CNTNAP1: variants seen among roughly 807,000 people sequenced by gnomAD.
The protein encoded by CNTNAP1 is contactin associated protein 1.
CNTNAP1 carries 80 observed loss-of-function variants against 161.5 expected under a neutral mutation model. The observed-to-expected ratio is 0.50, with a 90% CI of 0.41 to 0.60. The LOEUF is 0.60. Ranked by LOEUF, CNTNAP1 falls within the 20% of genes least tolerant of loss-of-function variation. CNTNAP1 has a pLI of 0.00. For synonymous variants in CNTNAP1, 695 were observed against 733.1 expected (o/e 0.95, Z 0.84); for missense variants, 1,464 against 1,854.8 (o/e 0.79, Z 3.87).
Position 42,691,967 on chromosome 17 carries a change from C to T in CNTNAP1, c.2506C>T (p.Pro836Ser). The T allele has an allele frequency of 6.2e-7, 1 of 1,614,062 alleles. No homozygotes were observed. Among genetic ancestry groups the T allele is most frequent in the South Asian group, 1.1e-5 (1 of 91,080 alleles). Residue 836 changes from proline (P) to serine (S), a missense_variant, in exon 16 of 24, where the codon CCT becomes TCT. By Grantham distance (74) the Pro-to-Ser change is moderately conservative. Transcript: ENST00000264638. The surrounding 1 kb of genome is among the most constrained non-coding windows in gnomAD (Gnocchi z 4.3). ...GGGCCCTTACTGCCAGTGGCGCCGA[C>T]CTTATGTGCGGGTGGAACTCAACAG... ...MGGPYCQWRR[P>S]YVRVELNTSR... is the part of the protein sequence containing the mutation.
Position 42,691,737 on chromosome 17 carries a change from AC to A in CNTNAP1, c.2345-65del. On this transcript the variant is annotated intron_variant, in intron 15 of 23. Transcript: ENST00000264638. This position sits in a 1 kb window ranked among gnomAD's most constrained non-coding sequence, Gnocchi z 4.3. ...CTTTGCCCAACCTTCCCTGCCCCCAACCCCAGGTTCTCTTCCTCCTCCACCC... is the reference window on the plus strand; with the variant it reads ...CTTTGCCCAACCTTCCCTGCCCCCAACCCAGGTTCTCTTCCTCCTCCACCC... 2 of 1,538,228 alleles carry A rather than the reference AC, an allele frequency of 1.3e-6. No homozygotes were observed. The highest frequency in any genetic ancestry group is 1.7e-5 in the Admixed American group (1 of 58,576).
chr17:42,692,350 G>A, intron 16 of CNTNAP1, 149 bp from the exon 17 acceptor site: 1 of 686,386 alleles, frequency 1.5e-6, no homozygotes, highest in South Asian at 1.9e-5. Flanking sequence ...TAAGCAGCTG[G>A]TAAGTTTCAA....
chr17:42,686,036 T>C lies in CNTNAP1; in HGVS notation c.795T>C (p.Tyr265=). ...TCCTCAATGACCAGCACTGGCACTA[T>C]GTGCGGGTGGACCGATTTGGCCGCG... ...GGVLNDQHWH[Y]VRVDRFGRDV... is the part of the protein sequence containing the mutation. Residue 265 remains tyrosine, a synonymous_variant, in exon 6 of 24, where the codon TAT becomes TAC. Coordinates refer to ENST00000264638, the MANE Select transcript of CNTNAP1 (RefSeq NM_003632.3). 1.2e-6 allele frequency: 2 copies of C among 1,614,082 alleles called. No individual in the cohort carries two copies. Among genetic ancestry groups the C allele is most frequent in the African/African-American group, 2.7e-5 (2 of 75,012 alleles).
chr17:42,695,566 TAC>T lies in CNTNAP1; in HGVS notation c.3040_3041del (p.Gln1014ValfsTer22), dbSNP rs1327222081. 3 of 1,613,708 alleles carry T rather than the reference TAC, an allele frequency of 1.9e-6. No individual in the cohort carries two copies. Among genetic ancestry groups the T allele is most frequent in the South Asian group, 1.1e-5 (1 of 91,078 alleles). The stretch of plus-strand genomic sequence containing the variant: ...CCGGGCACCTGGATGCGCTATAACC[TAC>T]AGTCAGCGCTGCGCTCTGCAGCCAG... On this transcript the variant is annotated frameshift_variant, in exon 19 of 24. Transcript: ENST00000264638. LOFTEE classifies it high-confidence loss of function.
chr17:42,697,560 G>A lies in CNTNAP1; in HGVS notation c.3575G>A (p.Gly1192Glu). 4 of 1,614,006 alleles carry A rather than the reference G, an allele frequency of 2.5e-6. No individual in the cohort carries two copies. Among genetic ancestry groups the A allele is most frequent in the Non-Finnish European group, 3.4e-6 (4 of 1,179,988 alleles). The change falls in exon 22 of 24, where the codon GGA becomes GAA. Residue 1192 changes from glycine to glutamate, a missense_variant. Transcript: ENST00000264638. ...ALYLGRVMET[G>E]VIDPEIQRYN... ...GGGCCTGCCTCTCTCTCAGAGACAG[G>A]AGTCATTGACCCGGAGATCCAGCGC...
At chr17:42,689,709 T>G in intron 11 of CNTNAP1, 82 bp downstream of exon 11, 3 of 1,114,610 alleles carry the variant, frequency 2.7e-6, no homozygotes, top group Non-Finnish European at 4.1e-6. Flanking sequence ...CTGCTAGAGA[T>G]GGCGAGGATG....
intron 18 of CNTNAP1, 47 bp from the exon 19 acceptor site, chr17:42,695,474 G>T: frequency 7.0e-7 from 1 of 1,422,748 alleles, no homozygotes; most frequent in South Asian, 1.3e-5. Context: ...CTCTGAATTG[G>T]GGAGTGAGCA....
chr17:42,692,406 A>G, intron 16 of CNTNAP1, 93 bp from the exon 17 acceptor site: 1 of 1,036,916 alleles, frequency 9.6e-7, no homozygotes, highest in East Asian at 2.4e-5. Context: ...AGCTCCAAAG[A>G]GGTGAGGGAA....
chr17:42,698,980 C>G lies in CNTNAP1; in HGVS notation c.*70C>G. Reference sequence around the variant, plus strand: ...CAGTCCTGCCTCTCCCCCATCCTATCAGGGACATTTGGCTCCTCTTAGCTG... The same window carrying G: ...CAGTCCTGCCTCTCCCCCATCCTATGAGGGACATTTGGCTCCTCTTAGCTG... On this transcript the variant is annotated 3_prime_UTR_variant, in exon 24 of 24. Coordinates refer to ENST00000264638, the MANE Select transcript of CNTNAP1 (RefSeq NM_003632.3). 1 of 1,404,250 alleles carries G rather than the reference C, an allele frequency of 7.1e-7. No homozygotes were observed. Among genetic ancestry groups the G allele is most frequent in the Non-Finnish European group, 9.5e-7 (1 of 1,056,956 alleles). The allele number at this position is 1,404,250 out of a possible 1,614,324, so 87.0% of individuals were successfully genotyped here.
chr17:42,695,577 C>T lies in CNTNAP1; in HGVS notation c.3049C>T (p.Leu1017=), dbSNP rs1380211897. The change falls in exon 19 of 24, where the codon CTG becomes TTG. Residue 1017 remains leucine (L), a synonymous_variant. Coordinates refer to ENST00000264638, the MANE Select transcript of CNTNAP1 (RefSeq NM_003632.3). ...TWMRYNLQSA[L]RSAAREFSHM... Reference sequence around the variant, plus strand: ...GATGCGCTATAACCTACAGTCAGCGCTGCGCTCTGCAGCCAGGGAGTTCTC... The same window carrying T: ...GATGCGCTATAACCTACAGTCAGCGTTGCGCTCTGCAGCCAGGGAGTTCTC... 7 of 1,614,104 alleles carry T rather than the reference C, an allele frequency of 4.3e-6. No individual in the cohort carries two copies. The highest frequency in any genetic ancestry group is 5.9e-6 in the Non-Finnish European group (7 of 1,180,020).
rs1007245171 is a variant in CNTNAP1 at position 42,687,209 on chromosome 17, T to G, written c.1044+163T>G. The G allele has an allele frequency of 5.6e-6, 5 of 895,336 alleles. No individual in the cohort carries two copies. Among genetic ancestry groups the G allele is most frequent in the Non-Finnish European group, 6.6e-6 (4 of 605,278 alleles). The allele number at this position is 895,336 out of a possible 1,614,324, so 55.5% of individuals were successfully genotyped here. The stretch of plus-strand genomic sequence containing the variant: ...GGGAGCGGGTCTCACCTGAGGTGCA[T>G]GAGCCACGCAGGCCCCTAGTTAAGA... On this transcript the variant is annotated intron_variant, in intron 7 of 23. Transcript: ENST00000264638. This position sits in a 1 kb window ranked among gnomAD's most constrained non-coding sequence, Gnocchi z 4.7.
Position 42,699,345 on chromosome 17 carries a change from C to T in CNTNAP1, c.*435C>T, listed in dbSNP as rs2053197769. On this transcript the variant is annotated 3_prime_UTR_variant, in exon 24 of 24. Coordinates refer to ENST00000264638, the MANE Select transcript of CNTNAP1 (RefSeq NM_003632.3). ...GTATGGGGGGAGGAGGCTGCTAAAC[C>T]CTATCCCCCAGCCTCCCCCCTGCCC... 1 of 156,482 alleles carries T rather than the reference C, an allele frequency of 6.4e-6. No individual in the cohort carries two copies. Among genetic ancestry groups the T allele is most frequent in the Non-Finnish European group, 1.4e-5 (1 of 70,838 alleles). The allele number at this position is 156,482 out of a possible 1,614,324, so 9.7% of individuals were successfully genotyped here. A position where few individuals can be genotyped will look rare whatever the true frequency, so the allele number is the denominator to read the frequency against.
chr17:42,686,049 C>T lies in CNTNAP1; in HGVS notation c.808C>T (p.Arg270Ter). ...GCACTGGCACTATGTGCGGGTGGACCGATTTGGCCGCGATGTAAATTTCAC... is the reference window on the plus strand; with the variant it reads ...GCACTGGCACTATGTGCGGGTGGACTGATTTGGCCGCGATGTAAATTTCAC... ...DQHWHYVRVDRFGRDVNFTLD... is the reference protein window; with the variant it reads ...DQHWHYVRVD The change falls in exon 6 of 24, where the codon CGA (arginine) becomes TGA (stop). Residue 270 changes from arginine (R) to a stop codon, truncating the protein, a stop_gained. Coordinates refer to ENST00000264638, the MANE Select transcript of CNTNAP1 (RefSeq NM_003632.3). LOFTEE classifies it high-confidence loss of function. 1 of 1,614,046 alleles carries T rather than the reference C, an allele frequency of 6.2e-7. No homozygotes were observed. Among genetic ancestry groups the T allele is most frequent in the Non-Finnish European group, 8.5e-7 (1 of 1,180,004 alleles).
intron 20 of CNTNAP1, among the ~76,000 whole-genome samples, chr17:42,696,400 T>C (rs2053152666): frequency 6.6e-6 from 1 of 151,176 alleles, no homozygotes; most frequent in Non-Finnish European, 1.5e-5. Flanking sequence ...CTCAGCTCAC[T>C]GCAACCTCTG....
chr17:42,693,550 G>GT lies in CNTNAP1; in HGVS notation c.2992+16dup. The GT allele has an allele frequency of 6.2e-7, 1 of 1,609,566 alleles. No homozygotes were observed. The highest frequency in any genetic ancestry group is 8.5e-7 in the Non-Finnish European group (1 of 1,176,062). On this transcript the variant is annotated intron_variant, in intron 18 of 23. Transcript: ENST00000264638. ...ACTGCAACCACGGTAAGTGCTGCTGGTTATGGGGCAACAGGGAGCCATAGG... is the reference window on the plus strand; with the variant it reads ...ACTGCAACCACGGTAAGTGCTGCTGGTTTATGGGGCAACAGGGAGCCATAGG...
Position 42,692,651 on chromosome 17 carries a change from C to T in CNTNAP1, c.2683C>T (p.Pro895Ser), listed in dbSNP as rs769738213. 9.9e-6 allele frequency: 16 copies of T among 1,614,194 alleles called. No homozygotes were observed. The highest frequency in any genetic ancestry group is 6.6e-5 in the South Asian group (6 of 91,080). ...KQARLRVDHR[P>S]WVLRPMPLQT... ...GGCCCGGCTCCGAGTGGATCACCGG[C>T]CCTGGGTTCTGCGGCCTATGCCACT... Residue 895 changes from proline to serine, a missense_variant, in exon 17 of 24, where the codon CCC becomes TCC. Pro to Ser is a moderately conservative substitution (Grantham distance 74). Around this residue, in one of 3 missense-constraint regions of CNTNAP1, gnomAD observed 1,383 missense variants for 1,765.0 expected, o/e 0.78. Coordinates refer to ENST00000264638, the MANE Select transcript of CNTNAP1 (RefSeq NM_003632.3).
Position 42,687,311 on chromosome 17 carries a change from CA to C in CNTNAP1, c.1044+266del. 1 of 524,318 alleles carries C rather than the reference CA, an allele frequency of 1.9e-6. No individual in the cohort carries two copies. The highest frequency in any genetic ancestry group is 3.4e-6 in the Non-Finnish European group (1 of 296,434). 32.5% of individuals were successfully genotyped at this position (524,318 alleles called of 1,614,324 possible). Reference sequence around the variant, plus strand: ...GCGCAGACACAGGGAGTGGCTTGTCCAGGGGTCGTGCAGCTGCACGGTGGCT... The same window carrying C: ...GCGCAGACACAGGGAGTGGCTTGTCCGGGGTCGTGCAGCTGCACGGTGGCT... On this transcript the variant is annotated intron_variant, in intron 7 of 23. Coordinates refer to ENST00000264638, the MANE Select transcript of CNTNAP1 (RefSeq NM_003632.3). This position sits in a 1 kb window ranked among gnomAD's most constrained non-coding sequence, Gnocchi z 4.7.
At chr17:42,684,003 G>T in intron 2 of CNTNAP1, 33 bp from the exon 3 acceptor site, 12 of 1,613,554 alleles carry the variant, frequency 7.4e-6, no homozygotes, top group Non-Finnish European at 9.3e-6. Context: ...CGGGGAGAGG[G>T]ATAGCCGGTT....
chr17:42,689,494 T>G (rs1282036459), intron 10 of CNTNAP1, 27 bp from the exon 11 acceptor site: 4 of 1,582,582 alleles, frequency 2.5e-6, no homozygotes, highest in Non-Finnish European at 3.5e-6. Context: ...GTAAGGCTCC[T>G]TCCCTTGGTC....
Sources: gnomAD v4.1 joint callset for allele counts (sites outside exome capture counted in the v4.1 genomes callset) on GRCh38, gnomAD v4.1.1 for gene constraint, gnomAD v4.1.1 regional missense constraint, Gnocchi (gnomAD v3.1) non-coding constraint, MANE v1.5 for transcripts, NCBI Gene and HGNC (gene_info 2026-07-23, HGNC 2026-07-21) for gene names.